Variants in WNK1 observed in about 807,000 individuals in gnomAD.
WNK1 encodes WNK lysine deficient protein kinase 1, also known as serine/threonine-protein kinase WNK1.
Under a neutral mutation model 222.8 loss-of-function variants are expected in WNK1, and 38 were observed. The ratio of observed to expected loss-of-function variants is 0.17; its 90% confidence interval spans 0.13 to 0.22. The LOEUF is 0.22. Among genes scored for constraint, WNK1 ranks in the 10% least tolerant of loss-of-function variants. The probability of loss-of-function intolerance (pLI) is 1.00; values close to 1 mark genes in which losing one functional copy is unlikely to be tolerated. For synonymous variants in WNK1, 1,090 were observed against 1,092.9 expected, an observed-to-expected ratio of 1.00 and a Z score of 0.05; for missense variants, 2,348 against 2,918.4, an observed-to-expected ratio of 0.80 and a Z score of 4.50.
intron 1 of WNK1, among the ~76,000 whole-genome samples, chr12:808,719 A>G (rs987565925): frequency 6.7e-6 from 1 of 149,256 alleles, no homozygotes; most frequent in Non-Finnish European, 1.5e-5. Context: ...AATAGAACCT[A>G]TGCATTCGTA....
At chr12:839,915 A>C (rs1161494847) in intron 4 of WNK1, among the ~76,000 whole-genome samples, 4 of 137,466 alleles carry the variant, frequency 2.9e-5, no homozygotes, top group African/African-American at 1.1e-4. Flanking sequence ...TTAAGTAGAG[A>C]TGGAGTTTCA....
At chr12:814,644 A>G (rs1344070934) in intron 2 of WNK1, among the ~76,000 whole-genome samples, 1 of 152,104 alleles carries the variant, frequency 6.6e-6, no homozygotes, top group Non-Finnish European at 1.5e-5. Context: ...GTGTTGGAGT[A>G]TGCCTTTGTA....
At chr12:841,709 T>A (rs1417880433) in intron 4 of WNK1, among the ~76,000 whole-genome samples, 1 of 152,180 alleles carries the variant, frequency 6.6e-6, no homozygotes, top group Non-Finnish European at 1.5e-5. Flanking sequence ...AAGCCCAAGA[T>A]CAGGTGCCAT....
At chr12:822,270 T>A (rs1457333125) in intron 2 of WNK1, among the ~76,000 whole-genome samples, 1 of 151,832 alleles carries the variant, frequency 6.6e-6, no homozygotes, top group African/African-American at 2.4e-5. Flanking sequence ...ATTTTTGTAT[T>A]TTTAGTAGAG....
intron 1 of WNK1, among the ~76,000 whole-genome samples, chr12:801,662 C>T (rs1318584192): frequency 6.6e-6 from 1 of 151,742 alleles, no homozygotes; most frequent in East Asian, 1.9e-4. Context: ...CCTGCCTCGG[C>T]CTCCCAAAGT....
At chr12:798,336 C>T (rs932093800) in intron 1 of WNK1, among the ~76,000 whole-genome samples, 2 of 152,048 alleles carry the variant, frequency 1.3e-5, no homozygotes, top group Non-Finnish European at 2.9e-5. Context: ...GGACTACAGG[C>T]ACCCTCCACC....
rs1954588069 is a variant in WNK1 at position 894,724 on chromosome 12, A to G, written c.5583+89A>G. ...TTACTGCCTACCTATTTGGGACACAATTGCCAGTCTAGTGATTTCTGTCAC... is the reference window on the plus strand; with the variant it reads ...TTACTGCCTACCTATTTGGGACACAGTTGCCAGTCTAGTGATTTCTGTCAC... On this transcript the variant is annotated intron_variant, in intron 23 of 27. Coordinates refer to ENST00000315939, the MANE Select transcript of WNK1 (RefSeq NM_018979.4). 6 of 1,205,868 alleles carry G rather than the reference A, an allele frequency of 5.0e-6. No homozygotes were observed. The South Asian group carries it at 6.1e-5, about 12-fold the overall frequency. The allele number at this position is 1,205,868 out of a possible 1,614,324, so 74.7% of individuals were successfully genotyped here.
chr12:884,042 T>C lies in WNK1; in HGVS notation c.3722-79T>C. The C allele has an allele frequency of 6.3e-7, 1 of 1,599,496 alleles. No homozygotes were observed. The highest frequency in any genetic ancestry group is 8.6e-7 in the Non-Finnish European group (1 of 1,169,254). ...GACCGTGCCTCAAAAAAAGCAGTTG[T>C]ATGTGCCAATAATGAAGTCTAACAA... On this transcript the variant is annotated intron_variant, in intron 17 of 27. Coordinates refer to ENST00000315939, the MANE Select transcript of WNK1 (RefSeq NM_018979.4). The surrounding 1 kb of genome is among the most constrained non-coding windows in gnomAD (Gnocchi z 5.6).
chr12:795,596 C>G (rs1475121801), intron 1 of WNK1, among the ~76,000 whole-genome samples: 2 of 152,100 alleles, frequency 1.3e-5, no homozygotes, highest in East Asian at 3.9e-4. Context: ...CTGAGGCCTC[C>G]CCAGCCACAT....
At chr12:859,153 G>A (rs1239095735) in intron 5 of WNK1, 92 bp from the exon 6 acceptor site, 8 of 1,123,956 alleles carry the variant, frequency 7.1e-6, no homozygotes, top group Non-Finnish European at 1.1e-5. Context: ...TTTTTCTTCT[G>A]CGAATAACAA....
chr12:814,657 C>G (rs967464670), intron 2 of WNK1, among the ~76,000 whole-genome samples: 1 of 152,024 alleles, frequency 6.6e-6, no homozygotes, highest in Non-Finnish European at 1.5e-5. Context: ...CCTTTGTAAT[C>G]CCAGGTTTCT....
In WNK1 at chr12:885,608, C is replaced by T. The variant is rs747564375; in HGVS notation, c.4804C>T (p.Pro1602Ser). 1.2e-6 allele frequency: 2 copies of T among 1,614,184 alleles called. No homozygotes were observed. The highest frequency in any genetic ancestry group is 1.7e-6 in the Non-Finnish European group (2 of 1,180,036). The part of the protein sequence containing the change: ...PLLPQVPSIP[P>S]LVQPVANVPA... ...ATTACCCCAAGTACCTAGTATCCCA[C>T]CCTTGGTACAGCCTGTTGCCAATGT... Residue 1602 changes from proline to serine, a missense_variant, in exon 19 of 28, where the codon CCC becomes TCC. By Grantham distance (74) the Pro-to-Ser change is moderately conservative. This residue lies in a region of WNK1 where 1,144 missense variants were observed against 1,273.6 expected (regional missense o/e 0.90). Transcript: ENST00000315939.
intron 26 of WNK1, among the ~76,000 whole-genome samples, chr12:905,237 T>G (rs2154101654): frequency 6.6e-6 from 1 of 152,300 alleles, no homozygotes; most frequent in Non-Finnish European, 1.5e-5. Context: ...TAGTCAAGTC[T>G]CCTTTTCTTA....
intron 4 of WNK1, chr12:851,706 A>T (rs751127923): frequency 1.5e-6 from 2 of 1,338,128 alleles, no homozygotes; most frequent in Non-Finnish European, 2.0e-6. Context: ...GATATTAAAA[A>T]GAAAGATTTT....
chr12:846,499 A>G lies in WNK1; in HGVS notation c.1312-10662A>G, dbSNP rs1218314241. ...AATCGTGAGTAAGTTAATTTCTTTG[A>G]TAGAGCTAGCTTGATTTGGTAGGGA... On this transcript the variant is annotated intron_variant, in intron 4 of 27. Transcript: ENST00000315939. 3.3e-5 allele frequency among the ~76,000 whole-genome samples: 5 copies of G among 152,324 alleles called. No homozygotes were observed. The South Asian group carries it at 1.0e-3, about 32-fold the overall frequency.
chr12:871,060 G>C (rs535169013), intron 8 of WNK1, among the ~76,000 whole-genome samples: 11 of 152,304 alleles, frequency 7.2e-5, no homozygotes, highest in African/African-American at 1.9e-4. Flanking sequence ...CATGGGTTGG[G>C]ATCAGAACAT....
At chr12:868,504 C>T in intron 8 of WNK1, 3 of 1,614,032 alleles carry the variant, frequency 1.9e-6, no homozygotes, top group African/African-American at 1.3e-5. Flanking sequence ...GATCTCCCCT[C>T]TCTAGTATTT....
In WNK1 at chr12:861,159, C is replaced by A; in HGVS notation, c.1767C>A (p.Leu589=). 3.7e-6 allele frequency: 6 copies of A among 1,614,026 alleles called. No individual in the cohort carries two copies. The highest frequency in any genetic ancestry group is 5.1e-6 in the Non-Finnish European group (6 of 1,179,988). The part of the protein sequence containing the change: ...QEKKKQEESS[L]KQQVEQSSAS... Reference sequence around the variant, plus strand: ...AAAAAAAGCAGGAAGAGAGCAGTCTCAAACAGCAGGTAGAACAATCCAGTG... The same window carrying A: ...AAAAAAAGCAGGAAGAGAGCAGTCTAAAACAGCAGGTAGAACAATCCAGTG... Residue 589 remains leucine, a synonymous_variant, in exon 7 of 28, where the codon CTC becomes CTA. Transcript: ENST00000315939.
intron 1 of WNK1, among the ~76,000 whole-genome samples, chr12:790,374 G>A (rs1167310369): frequency 6.6e-6 from 1 of 152,152 alleles, no homozygotes; most frequent in Non-Finnish European, 1.5e-5. Context: ...AAAATGGTGG[G>A]ATTACAGGCA....
Sources: allele counts gnomAD v4.1 joint callset (sites outside exome capture counted in the v4.1 genomes callset), GRCh38; gene constraint gnomAD v4.1.1; regional missense constraint gnomAD v4.1.1; non-coding constraint Gnocchi (gnomAD v3.1); transcripts MANE v1.5; gene names NCBI Gene and HGNC (gene_info 2026-07-23, HGNC 2026-07-21).